The following YTHDC1 variants were observed in gnomAD, a reference collection of about 807,000 sequenced individuals.
YTHDC1 encodes the protein YTH N6-methyladenosine RNA binding protein C1, also known as YTH domain-containing protein 1.
YTHDC1 carries 12 observed loss-of-function variants against 107.0 expected under a neutral mutation model. The observed-to-expected ratio is 0.11, with a 90% CI of 0.07 to 0.18. YTHDC1 has a LOEUF of 0.18. Ranked by LOEUF, YTHDC1 falls within the 10% of genes least tolerant of loss-of-function variation. The pLI is 1.00. For missense variants in YTHDC1, 635 were observed against 898.8 expected (o/e 0.71, Z 3.75); for synonymous variants, 280 against 289.5 (o/e 0.97, Z 0.33).
At chr4:68,336,490 T>A (rs1724182758) in intron 4 of YTHDC1, among the ~76,000 whole-genome samples, 1 of 152,162 alleles carries the variant, frequency 6.6e-6, no homozygotes, top group African/African-American at 2.4e-5. Context: ...TTCATCTCCA[T>A]CTTATACCTT....
rs1041860178 is a variant in YTHDC1, at chr4:68,324,293, G to A, written c.1350-70C>T. 4.5e-6 allele frequency: 6 copies of A among 1,337,364 alleles called. No homozygotes were observed. In the African/African-American group the frequency reaches 7.3e-5, roughly 16 times the overall value. The allele number at this position is 1,337,364 out of a possible 1,614,324, so 82.8% of individuals were successfully genotyped here. On this transcript the variant is annotated intron_variant, in intron 9 of 16. Transcript: ENST00000344157. ...TAAGGACCTTATACTACTTTTAGTAGTGAATTCCTGTATTAACTGTGACTT... is the reference window on the plus strand; with the variant it reads ...TAAGGACCTTATACTACTTTTAGTAATGAATTCCTGTATTAACTGTGACTT...
Position 68,349,935 on chromosome 4 carries a change from T to G in YTHDC1, c.-182A>C. ...TCTTCCCGCTTTTTCCCTTTCTCCC[T>G]TCCTTTCACTCCAGCATCCAGCGGC... On this transcript the variant is annotated 5_prime_UTR_variant, in exon 1 of 17. Coordinates refer to ENST00000344157, the MANE Select transcript of YTHDC1 (RefSeq NM_001031732.4). The G allele has an allele frequency of 1.3e-6, 1 of 787,064 alleles. No homozygotes were observed. Among genetic ancestry groups the G allele is most frequent in the Non-Finnish European group, 2.0e-6 (1 of 489,244 alleles). 48.8% of individuals were successfully genotyped at this position (787,064 alleles called of 1,614,324 possible).
rs1266743074 is a variant in YTHDC1, at chr4:68,337,584, T to C, written c.447A>G (p.Pro149=). 5.0e-6 allele frequency: 8 copies of C among 1,607,516 alleles called. No homozygotes were observed. Among genetic ancestry groups the C allele is most frequent in the South Asian group, 3.3e-5 (3 of 89,868 alleles). The change falls in exon 3 of 17, where the codon CCA becomes CCG. Residue 149 remains proline, a synonymous_variant. Coordinates refer to ENST00000344157, the MANE Select transcript of YTHDC1 (RefSeq NM_001031732.4). The stretch of plus-strand genomic sequence containing the variant: ...TAATATTTACTACCTCAGAACCATC[T>C]GGCGTAGGAGATTTGGCCCTCCTTT... ...DPERRAKSPT[P]DGSERIGLEV...
intron 9 of YTHDC1, among the ~76,000 whole-genome samples, chr4:68,328,978 T>TTTA (rs1723283604): frequency 1.3e-5 from 2 of 152,198 alleles, no homozygotes; most frequent in African/African-American, 4.8e-5. Flanking sequence ...TATAGGTACC[T>TTTA]CTTACGAGTC....
At chr4:68,340,468 GCTT>G (rs945530764) in intron 1 of YTHDC1, among the ~76,000 whole-genome samples, 7 of 151,924 alleles carry the variant, frequency 4.6e-5, no homozygotes, top group Admixed American at 1.3e-4. Flanking sequence ...AAACAAAAAA[GCTT>G]CTCTCATCAT....
chr4:68,318,585 AAAT>A lies in YTHDC1; in HGVS notation c.1762-7_1762-5del, dbSNP rs1285592405. On this transcript the variant is annotated splice_region_variant and splice_polypyrimidine_tract_variant and intron_variant, in intron 14 of 16. Coordinates refer to ENST00000344157, the MANE Select transcript of YTHDC1 (RefSeq NM_001031732.4). ...CCCTCACATAATCATTGTAGGACTA[AAAT>A]AAAAGATGATAATGTCAATATAATT... The A allele has an allele frequency of 6.2e-7, 1 of 1,611,724 alleles. No homozygotes were observed. The highest frequency in any genetic ancestry group is 8.5e-7 in the Non-Finnish European group (1 of 1,178,956).
chr4:68,347,051 A>G (rs1470854246), intron 1 of YTHDC1, among the ~76,000 whole-genome samples: 1 of 152,192 alleles, frequency 6.6e-6, no homozygotes, highest in African/African-American at 2.4e-5. Context: ...CAGTCAGTCA[A>G]TGAAGTCCAA....
intron 15 of YTHDC1, among the ~76,000 whole-genome samples, chr4:68,316,794 A>G (rs75018640): frequency 6.6e-6 from 1 of 152,168 alleles, no homozygotes; most frequent in African/African-American, 2.4e-5. Context: ...CCCAGTTTAC[A>G]AAAGGGAAAA....
intron 7 of YTHDC1, among the ~76,000 whole-genome samples, chr4:68,331,725 G>A (rs934910714): frequency 6.6e-6 from 1 of 151,884 alleles, no homozygotes; most frequent in African/African-American, 2.4e-5. Context: ...ACCTCAAAGT[G>A]TAAATCAAGC....
chr4:68,336,883 T>C (rs922084532), intron 4 of YTHDC1, 144 bp downstream of exon 4: 6 of 1,173,016 alleles, frequency 5.1e-6, no homozygotes, highest in South Asian at 1.8e-5. Flanking sequence ...AATGTATTTA[T>C]AACATTCAAA....
intron 14 of YTHDC1, 40 bp from the exon 15 acceptor site, chr4:68,318,621 A>G (rs760404136): frequency 6.2e-7 from 1 of 1,607,414 alleles, no homozygotes; most frequent in Non-Finnish European, 8.5e-7. Flanking sequence ...ATTAAAAATT[A>G]TCACAGAACT....
chr4:68,326,197 A>G (rs1228221085), intron 9 of YTHDC1, among the ~76,000 whole-genome samples: 2 of 152,154 alleles, frequency 1.3e-5, no homozygotes, highest in African/African-American at 4.8e-5. Context: ...AAGTAGAAGT[A>G]AAAGCATAGG....
intron 10 of YTHDC1, 46 bp downstream of exon 10, chr4:68,324,093 G>C: frequency 2.6e-6 from 4 of 1,517,630 alleles, no homozygotes; most frequent in Non-Finnish European, 2.7e-6. Context: ...TCTCTAAAAG[G>C]GTTGATTAAA....
chr4:68,320,625 A>C (rs1722343016), intron 11 of YTHDC1, among the ~76,000 whole-genome samples: 1 of 152,136 alleles, frequency 6.6e-6, no homozygotes, highest in Non-Finnish European at 1.5e-5. Context: ...TACAATATGT[A>C]ACTCTAAAAT....
At chr4:68,325,301 A>C (rs1338947911) in intron 9 of YTHDC1, among the ~76,000 whole-genome samples, 1 of 152,150 alleles carries the variant, frequency 6.6e-6, no homozygotes. Flanking sequence ...GAGTGGTTGT[A>C]TCTATTTTGA....
In YTHDC1 at chr4:68,333,546, T is replaced by C. The variant is rs565256380; in HGVS notation, c.884-149A>G. 9.2e-5 allele frequency: 48 copies of C among 519,304 alleles called. No homozygotes were observed. The Admixed American group carries it at 1.1e-3, about 11-fold the overall frequency. 32.2% of individuals were successfully genotyped at this position (519,304 alleles called of 1,614,324 possible). ...TCCTGATCCCTCAATTTCCTCAGAA[T>C]GTTTTATTTTAAAAATACTGTTTAA... On this transcript the variant is annotated intron_variant, in intron 4 of 16. Transcript: ENST00000344157.
chr4:68,344,267 A>G (rs149122904), intron 1 of YTHDC1, among the ~76,000 whole-genome samples: 248 of 152,204 alleles, frequency 1.6e-3, no homozygotes, highest in African/African-American at 5.6e-3. Flanking sequence ...CTTTATCTTT[A>G]TCTGCCAGAT....
chr4:68,314,246 A>G lies in YTHDC1; in HGVS notation c.2037T>C (p.Arg679=). ...CTCGCTCTCGTTCCCGGTCTCTTTC[A>G]CGGGGTCTACTTCTCCGGCCACTGA... The part of the protein sequence containing the change: ...AVVSGRRSRP[R]ERDRERERDR... The change falls in exon 17 of 17, where the codon CGT becomes CGC. Residue 679 remains arginine, a synonymous_variant. Transcript: ENST00000344157. The G allele has an allele frequency of 6.2e-7, 1 of 1,613,932 alleles. No individual in the cohort carries two copies. The highest frequency in any genetic ancestry group is 8.5e-7 in the Non-Finnish European group (1 of 1,179,976).
chr4:68,335,191 G>A lies in YTHDC1; in HGVS notation c.884-1794C>T, dbSNP rs542265264. Among the ~76,000 whole-genome samples the A allele has an allele frequency of 1.9e-3, 296 of 152,236 alleles. 2 individuals are homozygous for A. The highest frequency in any genetic ancestry group is 0.015 in the South Asian group (73 of 4,818). On this transcript the variant is annotated intron_variant, in intron 4 of 16. Transcript: ENST00000344157. ...ATGAACTGGAATCTAGAAAATTCAT[G>A]ACAGAGAAACTCAACTGTGATCACT...
Sources: allele counts gnomAD v4.1 joint callset (sites outside exome capture counted in the v4.1 genomes callset), GRCh38; gene constraint gnomAD v4.1.1; transcripts MANE v1.5; gene names NCBI Gene and HGNC (gene_info 2026-07-23, HGNC 2026-07-21).